Variants in HEATR5A observed in about 807,000 individuals in gnomAD.
The protein encoded by HEATR5A is HEAT repeat-containing protein 5A.
In HEATR5A, 178 loss-of-function variants were observed where a neutral mutation model predicts 218.8. That is an observed-to-expected ratio of 0.81 (90% CI 0.72 to 0.92). The LOEUF (loss-of-function observed/expected upper bound fraction) is 0.92, where lower values mean the gene tolerates loss of function less well. Among genes scored for constraint, HEATR5A ranks in the 40% least tolerant of loss-of-function variants. The probability of loss-of-function intolerance (pLI) is 0.00; values close to 1 mark genes in which losing one functional copy is unlikely to be tolerated. For synonymous variants in HEATR5A, 864 were observed against 871.6 expected, an observed-to-expected ratio of 0.99 and a Z score of 0.15; for missense variants, 2,420 against 2,418.9, an observed-to-expected ratio of 1.00 and a Z score of -0.01.
intron 7 of HEATR5A, among the ~76,000 whole-genome samples, 155 bp downstream of exon 7, chr14:31,388,689 TA>T (rs2030330380): frequency 6.6e-6 from 1 of 152,196 alleles, no homozygotes; most frequent in Non-Finnish European, 1.5e-5. Flanking sequence ...CAACCTAGTT[TA>T]AAAAAAATGT....
intron 10 of HEATR5A, among the ~76,000 whole-genome samples, chr14:31,382,343 T>A (rs2030025284): frequency 6.6e-6 from 1 of 152,186 alleles, no homozygotes; most frequent in South Asian, 2.1e-4. Context: ...TTGTTCAAGT[T>A]ATGGAATGGT....
intron 22 of HEATR5A, among the ~76,000 whole-genome samples, chr14:31,334,755 G>A (rs1295271207): frequency 1.3e-5 from 2 of 152,048 alleles, no homozygotes; most frequent in Non-Finnish European, 2.9e-5. Flanking sequence ...GACAATCCTG[G>A]CTAACATGGT....
chr14:31,302,339 A>C lies in HEATR5A; in HGVS notation c.5420T>G (p.Leu1807Arg). 1.2e-6 allele frequency: 2 copies of C among 1,604,334 alleles called. No individual in the cohort carries two copies. The highest frequency in any genetic ancestry group is 1.7e-6 in the Non-Finnish European group (2 of 1,175,324). Residue 1807 changes from leucine to arginine, a missense_variant, in exon 33 of 36, where the codon CTT (leucine) becomes CGT (arginine). By Grantham distance (102) the Leu-to-Arg change is moderately radical. Coordinates refer to ENST00000543095, the MANE Select transcript of HEATR5A (RefSeq NM_015473.4). Reference protein sequence around the residue: ...AEKSRTAWTDLLRSALTTILD... With the variant: ...AEKSRTAWTDRLRSALTTILD... ...AATTGTTGTTAAGGCACTTCGGAGA[A>C]GGTCAGTCCAAGCAGTACGGCTCTT...
rs1901193315 is a variant in HEATR5A at position 31,350,721 on chromosome 14, C to A, written c.2412-4G>T. ...AAGCTGTTCCAATATAAGAAGCCTA[C>A]AATCAGAAATAACAGGATTTAAAAG... On this transcript the variant is annotated splice_region_variant and splice_polypyrimidine_tract_variant and intron_variant, in intron 16 of 35. Transcript: ENST00000543095. 6.9e-7 allele frequency: 1 copy of A among 1,448,044 alleles called. No homozygotes were observed. The allele number at this position is 1,448,044 out of a possible 1,614,324, so 89.7% of individuals were successfully genotyped here. A position where few individuals can be genotyped will look rare whatever the true frequency, so the allele number is the denominator to read the frequency against.
chr14:31,334,514 T>C (rs1900583898), intron 22 of HEATR5A: 2 of 449,300 alleles, frequency 4.5e-6, no homozygotes, highest in South Asian at 1.6e-5. Flanking sequence ...GATAAAGTGG[T>C]AGCAGGTTTG....
At chr14:31,390,149 G>C (rs1032856706) in intron 6 of HEATR5A, among the ~76,000 whole-genome samples, 2 of 152,152 alleles carry the variant, frequency 1.3e-5, no homozygotes, top group Non-Finnish European at 2.9e-5. Flanking sequence ...AGGATGCCAG[G>C]TGAGTTTACA....
intron 16 of HEATR5A, among the ~76,000 whole-genome samples, chr14:31,357,998 C>T (rs1901485220): frequency 6.6e-6 from 1 of 152,192 alleles, no homozygotes; most frequent in Admixed American, 6.5e-5. Context: ...CTTGTCAGAT[C>T]AGCAGTGGCA....
At chr14:31,419,089 T>A (rs888447020) in intron 1 of HEATR5A, among the ~76,000 whole-genome samples, 3 of 152,116 alleles carry the variant, frequency 2.0e-5, no homozygotes, top group African/African-American at 7.2e-5. Context: ...TAATCTAACA[T>A]CCATAAATAG....
intron 1 of HEATR5A, among the ~76,000 whole-genome samples, chr14:31,417,861 A>AT (rs1389734129): frequency 1.3e-5 from 2 of 152,208 alleles, no homozygotes; most frequent in Admixed American, 1.3e-4. Flanking sequence ...ATCCAGAAGC[A>AT]TTTATGAGTC....
chr14:31,346,206 G>C (rs1901016325), intron 19 of HEATR5A, among the ~76,000 whole-genome samples: 1 of 152,116 alleles, frequency 6.6e-6, no homozygotes, highest in Non-Finnish European at 1.5e-5. Context: ...ATTCAGAAAT[G>C]ACACTGACAG....
intron 18 of HEATR5A, among the ~76,000 whole-genome samples, chr14:31,348,177 G>A (rs1466334906): frequency 6.6e-6 from 1 of 151,996 alleles, no homozygotes; most frequent in African/African-American, 2.4e-5. Flanking sequence ...ACATGAAGAA[G>A]GTTTTTAAGA....
chr14:31,417,469 CAGCT>C (rs1182422839), intron 1 of HEATR5A, among the ~76,000 whole-genome samples: 4 of 152,176 alleles, frequency 2.6e-5, no homozygotes, highest in Non-Finnish European at 5.9e-5. Flanking sequence ...CCTGTAATCC[CAGCT>C]ACTCGGGAGG....
intron 16 of HEATR5A, among the ~76,000 whole-genome samples, chr14:31,357,884 A>G (rs908142145): frequency 2.6e-5 from 4 of 152,166 alleles, no homozygotes; most frequent in Admixed American, 6.6e-5. Context: ...GGGGGCCCCA[A>G]CCAGTGGGCC....
chr14:31,413,510 C>T (rs758808247), intron 1 of HEATR5A, among the ~76,000 whole-genome samples: 32 of 150,908 alleles, frequency 2.1e-4, no homozygotes. Flanking sequence ...CTGTGTGTAG[C>T]AATTCTCCTT....
rs1246544466 is a variant in HEATR5A at position 31,387,375 on chromosome 14, C to T, written c.934G>A (p.Ala312Thr). The change falls in exon 8 of 36, where the codon GCT (alanine) becomes ACT (threonine). Residue 312 changes from alanine to threonine, a missense_variant and splice_region_variant. Physicochemically the swap from Ala to Thr is moderately conservative, Grantham distance 58. Coordinates refer to ENST00000543095, the MANE Select transcript of HEATR5A (RefSeq NM_015473.4). ...SRDVRVGVTQAYVVFVSTLGG... is the reference protein window; with the variant it reads ...SRDVRVGVTQTYVVFVSTLGG... Reference sequence around the variant, plus strand: ...AGTGTTGAAACAAATACCACATAAGCCTAAAAAGGAAAAGAGTTTTATTTT... The same window carrying T: ...AGTGTTGAAACAAATACCACATAAGTCTAAAAAGGAAAAGAGTTTTATTTT... The T allele has an allele frequency of 1.2e-6, 2 of 1,604,928 alleles. No homozygotes were observed. Among genetic ancestry groups the T allele is most frequent in the African/African-American group, 2.7e-5 (2 of 74,264 alleles).
At chr14:31,295,807 A>C (rs1899171393) in intron 34 of HEATR5A, 102 bp downstream of exon 34, 1 of 831,650 alleles carries the variant, frequency 1.2e-6, no homozygotes, top group Non-Finnish European at 1.9e-6. Flanking sequence ...AAAAAATTGT[A>C]GTCTAATACT....
At chr14:31,387,709 G>A (rs1043982617) in intron 7 of HEATR5A, among the ~76,000 whole-genome samples, 15 of 152,052 alleles carry the variant, frequency 9.9e-5, no homozygotes, top group Non-Finnish European at 1.8e-4. Flanking sequence ...ACAGGGGCCC[G>A]CCACCAAGCC....
intron 7 of HEATR5A, among the ~76,000 whole-genome samples, chr14:31,387,968 G>A (rs896386157): frequency 3.3e-5 from 5 of 152,284 alleles, no homozygotes; most frequent in South Asian, 2.1e-4. Flanking sequence ...CATGTAAAAT[G>A]TATCTGTGGC....
chr14:31,398,626 A>G (rs2030750429), intron 4 of HEATR5A, 47 bp downstream of exon 4: 1 of 1,041,632 alleles, frequency 9.6e-7, no homozygotes, highest in Non-Finnish European at 1.4e-6. Context: ...GCATAAACCA[A>G]TAAAATGCTG....
Sources: allele counts gnomAD v4.1 joint callset (sites outside exome capture counted in the v4.1 genomes callset), GRCh38; gene constraint gnomAD v4.1.1; transcripts MANE v1.5; gene names NCBI Gene and HGNC (gene_info 2026-07-23, HGNC 2026-07-21).